Variants in EYS observed in about 807,000 individuals in gnomAD.
EYS encodes EGF-like photoreceptor maintenance factor, also known as protein eyes shut homolog.
EYS carries 250 observed loss-of-function variants against 282.1 expected under a neutral mutation model. The observed-to-expected ratio is 0.89, with a 90% CI of 0.80 to 0.98. The LOEUF (loss-of-function observed/expected upper bound fraction) is 0.98. EYS is among the 50% of genes least tolerant of loss of function. The probability of loss-of-function intolerance (pLI) is 0.00; values close to 1 mark genes in which losing one functional copy is unlikely to be tolerated. For synonymous variants in EYS, 1,355 were observed against 1,282.9 expected, an observed-to-expected ratio of 1.06 and a Z score of -1.20; for missense variants, 4,016 against 3,709.0, an observed-to-expected ratio of 1.08 and a Z score of -2.15.
chr6:64,810,918 GT>G lies in EYS; in HGVS notation c.3443+2459del, dbSNP rs554598889. On this transcript the variant is annotated intron_variant, in intron 22 of 42. Coordinates refer to ENST00000503581, the MANE Select transcript of EYS (RefSeq NM_001142800.2). ...TAATAACAACAAAATATTTTACCAG[GT>G]TTTTAAGAGTGACATGATTCTTTTT... 3.9e-5 allele frequency among the ~76,000 whole-genome samples: 6 copies of G among 152,042 alleles called. No homozygotes were observed. The East Asian group carries it at 1.2e-3, about 29-fold the overall frequency.
chr6:64,220,922 GA>G (rs1344354717), intron 31 of EYS, among the ~76,000 whole-genome samples: 1 of 152,018 alleles, frequency 6.6e-6, no homozygotes, highest in Non-Finnish European at 1.5e-5. Context: ...GAATTACGGG[GA>G]TAGGATAATA....
chr6:64,965,230 T>C (rs952999433), intron 14 of EYS, among the ~76,000 whole-genome samples: 1 of 152,116 alleles, frequency 6.6e-6, no homozygotes, highest in Admixed American at 6.5e-5. Context: ...GAGTTTGAAA[T>C]ACTTTAGCGA....
At chr6:65,380,497 A>G (rs1439210630) in intron 8 of EYS, among the ~76,000 whole-genome samples, 1 of 152,224 alleles carries the variant, frequency 6.6e-6, no homozygotes, top group Non-Finnish European at 1.5e-5. Flanking sequence ...CGTAAATGTA[A>G]AATTTAAAAC....
At position 63,955,587 on chromosome 6, in the gene EYS, T is replaced by C. The variant is rs905427741; in HGVS notation, c.7055+28796A>G. ...CCTTCTTTAACAAACAATTGCTGGC[T>C]TTGCATTTCTCTTTCCTCCAAAATC... On this transcript the variant is annotated intron_variant, in intron 35 of 42. Transcript: ENST00000503581. Among the ~76,000 whole-genome samples the C allele has an allele frequency of 3.3e-5, 5 of 152,298 alleles. No homozygotes were observed. In the South Asian group the frequency reaches 1.0e-3, roughly 32 times the overall value.
intron 12 of EYS, among the ~76,000 whole-genome samples, chr6:65,143,140 C>T (rs181512019): frequency 1.1e-3 from 160 of 151,896 alleles, no homozygotes; most frequent in African/African-American, 3.7e-3. Flanking sequence ...TCCACACACC[C>T]GAGAATGAAT....
At chr6:65,331,844 C>T (rs1399169387) in intron 11 of EYS, 1 of 455,684 alleles carries the variant, frequency 2.2e-6, no homozygotes, top group African/African-American at 2.1e-5. Context: ...TCATCTTTGT[C>T]TATTGCTGAA....
At chr6:65,427,716 C>G (rs989525443) in intron 5 of EYS, among the ~76,000 whole-genome samples, 1 of 152,010 alleles carries the variant, frequency 6.6e-6, no homozygotes, top group Admixed American at 6.5e-5. Flanking sequence ...TTATATCATT[C>G]AGTATTAACT....
At chr6:65,687,661 A>AT (rs1582603626) in intron 1 of EYS, among the ~76,000 whole-genome samples, 2 of 152,174 alleles carry the variant, frequency 1.3e-5, no homozygotes, top group African/African-American at 4.8e-5. Context: ...TGCAGACGAC[A>AT]TGATTATATA....
At chr6:64,579,248 G>A (rs1765985809) in intron 26 of EYS, among the ~76,000 whole-genome samples, 2 of 152,098 alleles carry the variant, frequency 1.3e-5, no homozygotes, top group South Asian at 4.1e-4. Context: ...ATCTGCCCTA[G>A]CAGGAAAGTC....
intron 26 of EYS, among the ~76,000 whole-genome samples, chr6:64,586,817 T>A (rs1252210422): frequency 1.3e-5 from 2 of 152,106 alleles, no homozygotes; most frequent in African/African-American, 4.8e-5. Flanking sequence ...CACTCTATTT[T>A]TCCTATCCAT....
In EYS at chr6:64,667,460, G is replaced by C. The variant is rs974403687; in HGVS notation, c.3444-41215C>G. ...CTTTTACATCTTGGATGGATTGCTG[G>C]GAAGGACATTCTGTTAAATAGTTAT... On this transcript the variant is annotated intron_variant, in intron 22 of 42. Transcript: ENST00000503581. Among the ~76,000 whole-genome samples, 10 of 151,376 alleles carry C rather than the reference G, an allele frequency of 6.6e-5. No homozygotes were observed. The East Asian group carries it at 1.9e-3, about 29-fold the overall frequency.
chr6:65,518,693 C>A (rs1456764684), intron 2 of EYS, among the ~76,000 whole-genome samples: 12 of 152,050 alleles, frequency 7.9e-5, no homozygotes, highest in Admixed American at 7.9e-4. Context: ...TCTCACACTG[C>A]TAATAAAGAC....
intron 31 of EYS, among the ~76,000 whole-genome samples, chr6:64,146,364 G>A (rs377261141): frequency 2.4e-4 from 36 of 152,118 alleles, no homozygotes; most frequent in African/African-American, 7.7e-4. Flanking sequence ...ACAAGAACAC[G>A]TTAGCCTTGA....
intron 29 of EYS, among the ~76,000 whole-genome samples, chr6:64,329,438 A>G (rs546393645): frequency 9.8e-5 from 15 of 152,286 alleles, no homozygotes; most frequent in African/African-American, 3.4e-4. Flanking sequence ...TTACTGTCCC[A>G]ACAACAGAGG....
chr6:65,179,710 G>A (rs1222996433), intron 12 of EYS, among the ~76,000 whole-genome samples: 1 of 151,984 alleles, frequency 6.6e-6, no homozygotes, highest in Non-Finnish European at 1.5e-5. Context: ...ATTTTATGAG[G>A]CCAGTATCAT....
chr6:65,144,122 A>G (rs1764415555), intron 12 of EYS, among the ~76,000 whole-genome samples: 2 of 152,092 alleles, frequency 1.3e-5, no homozygotes, highest in South Asian at 4.1e-4. Flanking sequence ...AACTTTTGTC[A>G]TGGAGGAATA....
chr6:65,120,460 C>CAAAAAAATA (rs1775506021), intron 12 of EYS, among the ~76,000 whole-genome samples: 1 of 68,288 alleles, frequency 1.5e-5, no homozygotes, highest in Non-Finnish European at 2.7e-5. Flanking sequence ...TTTAAATAAG[C>CAAAAAAATA]AAAAAAAAAA....
chr6:64,150,199 C>A (rs1774655589), intron 31 of EYS, among the ~76,000 whole-genome samples: 1 of 152,194 alleles, frequency 6.6e-6, no homozygotes, highest in Admixed American at 6.6e-5. Context: ...TGCAGTTTTA[C>A]AACATCTCCA....
At chr6:64,774,637 A>T (rs1252962216) in intron 22 of EYS, among the ~76,000 whole-genome samples, 2 of 151,934 alleles carry the variant, frequency 1.3e-5, no homozygotes, top group African/African-American at 4.8e-5. Context: ...TGTATAAATT[A>T]TAGTTCCTAA....
Sources: gnomAD v4.1 joint callset for allele counts (sites outside exome capture counted in the v4.1 genomes callset) on GRCh38, gnomAD v4.1.1 for gene constraint, MANE v1.5 for transcripts, NCBI Gene and HGNC (gene_info 2026-07-23, HGNC 2026-07-21) for gene names.